The following CTIF variants were observed in gnomAD, a reference collection of about 807,000 sequenced individuals.
The protein encoded by CTIF is cap binding complex dependent translation initiation factor.
A neutral mutation model predicts 66.0 loss-of-function variants in CTIF; 21 were observed. That is an observed-to-expected ratio of 0.32 (90% CI 0.23 to 0.46). The LOEUF (loss-of-function observed/expected upper bound fraction) is 0.46, where lower values mean the gene tolerates loss of function less well. Among genes scored for constraint, CTIF ranks in the 20% least tolerant of loss-of-function variants. The pLI is 1.00. For missense variants in CTIF, 739 were observed against 812.7 expected (o/e 0.91, Z 1.10); for synonymous variants, 345 against 326.4 (o/e 1.06, Z -0.62).
In CTIF at chr18:48,599,578, C is replaced by T. The variant is rs545382725; in HGVS notation, c.-28-19960C>T. Among the ~76,000 whole-genome samples the T allele has an allele frequency of 6.9e-4, 105 of 152,278 alleles. 1 individual carries two copies. The highest frequency in any genetic ancestry group is 2.5e-3 in the African/African-American group (102 of 41,558). ...GCAATCCCGGGTTATTACAGCCCTT[C>T]GTAAACAATTCCTGAGGGCTGAATA... On this transcript the variant is annotated intron_variant, in intron 1 of 11. Coordinates refer to ENST00000256413, the MANE Select transcript of CTIF (RefSeq NM_014772.3).
chr18:48,851,090 G>T (rs370689257), intron 10 of CTIF, among the ~76,000 whole-genome samples: 5 of 152,346 alleles, frequency 3.3e-5, no homozygotes, highest in African/African-American at 1.2e-4. Context: ...GGTTGGAAGG[G>T]GGGGCTCTAG....
intron 9 of CTIF, among the ~76,000 whole-genome samples, chr18:48,806,953 C>T (rs912358718): frequency 2.4e-4 from 36 of 152,168 alleles, no homozygotes; most frequent in African/African-American, 8.2e-4. Context: ...GGGAGGTAGC[C>T]TGCCAATCAG....
intron 1 of CTIF, among the ~76,000 whole-genome samples, chr18:48,617,932 G>A (rs957062594): frequency 2.6e-5 from 4 of 152,232 alleles, no homozygotes; most frequent in African/African-American, 4.8e-5. Context: ...GGGTCCGAGG[G>A]AGGCTGGGCC....
chr18:48,713,801 A>G (rs1272406988), intron 7 of CTIF, among the ~76,000 whole-genome samples: 1 of 152,222 alleles, frequency 6.6e-6, no homozygotes, highest in African/African-American at 2.4e-5. Flanking sequence ...ATGGAAGAAC[A>G]GAGTTTTCAG....
chr18:48,575,306 T>A (rs979773616), intron 1 of CTIF, among the ~76,000 whole-genome samples: 1 of 152,222 alleles, frequency 6.6e-6, no homozygotes, highest in East Asian at 1.9e-4. Flanking sequence ...AGCTGTTCTA[T>A]GGCAACACGG....
intron 3 of CTIF, among the ~76,000 whole-genome samples, chr18:48,660,130 C>T (rs1038680688): frequency 7.1e-6 from 1 of 141,508 alleles, no homozygotes; most frequent in Non-Finnish European, 1.5e-5. Context: ...GCAGGGATAT[C>T]GCTAGGTTTC....
intron 10 of CTIF, among the ~76,000 whole-genome samples, chr18:48,830,373 AG>A (rs2068664705): frequency 6.6e-6 from 1 of 152,196 alleles, no homozygotes; most frequent in Admixed American, 6.5e-5. Context: ...TATGTTGGCC[AG>A]GCTGATCTCA....
chr18:48,820,926 G>A (rs958823398), intron 10 of CTIF, among the ~76,000 whole-genome samples: 2 of 152,134 alleles, frequency 1.3e-5, no homozygotes, highest in African/African-American at 4.8e-5. Context: ...AAGCTTACTC[G>A]GTCCCCACGC....
intron 9 of CTIF, among the ~76,000 whole-genome samples, chr18:48,808,596 A>G (rs2068199496): frequency 6.6e-6 from 1 of 151,364 alleles, no homozygotes; most frequent in Admixed American, 6.6e-5. Flanking sequence ...TAAGATTCTA[A>G]ATTATTTTCC....
chr18:48,692,851 G>A (rs1177081682), intron 6 of CTIF, among the ~76,000 whole-genome samples: 1 of 152,188 alleles, frequency 6.6e-6, no homozygotes, highest in Non-Finnish European at 1.5e-5. Flanking sequence ...CAGGCATTGG[G>A]ATTTTAAAAT....
rs148681063 is a variant in CTIF, at chr18:48,572,074, T to TTCCTCC, written c.-29+32779_-29+32784dup. ...TTCTCCTTCTCCTTCCCCCTCACCGTTCCTCCTCCTCCTCCTCCTCCTTCT... is the reference window on the plus strand; with the variant it reads ...TTCTCCTTCTCCTTCCCCCTCACCGTTCCTCCTCCTCCTCCTCCTCCTCCTCCTTCT... On this transcript the variant is annotated intron_variant, in intron 1 of 11. Coordinates refer to ENST00000256413, the MANE Select transcript of CTIF (RefSeq NM_014772.3). Among the ~76,000 whole-genome samples the TTCCTCC allele has an allele frequency of 9.9e-4, 150 of 151,374 alleles. 3 individuals are homozygous for TTCCTCC. In the South Asian group the frequency reaches 0.016, roughly 16 times the overall value.
At chr18:48,747,675 G>T (rs1907363628) in intron 7 of CTIF, among the ~76,000 whole-genome samples, 1 of 151,688 alleles carries the variant, frequency 6.6e-6, no homozygotes, top group Admixed American at 6.6e-5. Context: ...GAGAGGCCAA[G>T]GTAGAAGGAT....
rs571341266 is a variant in CTIF, at chr18:48,665,564, A to G, written c.431+1013A>G. 1.8e-4 allele frequency among the ~76,000 whole-genome samples: 27 copies of G among 152,344 alleles called. No homozygotes were observed. The East Asian group carries it at 5.0e-3, about 28-fold the overall frequency. Reference sequence around the variant, plus strand: ...ATGCTAGACCTGTTGTGCAACTACCATGTCTATCTAGTTCTGAAACATTCT... The same window carrying G: ...ATGCTAGACCTGTTGTGCAACTACCGTGTCTATCTAGTTCTGAAACATTCT... On this transcript the variant is annotated intron_variant, in intron 5 of 11. Transcript: ENST00000256413.
chr18:48,549,481 C>A (rs2088832890), intron 1 of CTIF, among the ~76,000 whole-genome samples: 1 of 152,170 alleles, frequency 6.6e-6, no homozygotes, highest in Non-Finnish European at 1.5e-5. Context: ...AGGGTTGGTT[C>A]ATTCAGGGAG....
At chr18:48,729,357 A>T (rs1330442926) in intron 7 of CTIF, among the ~76,000 whole-genome samples, 7 of 152,230 alleles carry the variant, frequency 4.6e-5, no homozygotes, top group Non-Finnish European at 8.8e-5. Flanking sequence ...GATTATAAAA[A>T]GTTTGGGCTT....
intron 1 of CTIF, among the ~76,000 whole-genome samples, chr18:48,587,137 C>T (rs1308233183): frequency 6.7e-6 from 1 of 150,194 alleles, no homozygotes; most frequent in Admixed American, 6.6e-5. Context: ...ACTGGAATGC[C>T]GTGGCATGAT....
rs117736720 is a variant in CTIF at position 48,761,118 on chromosome 18, A to G, written c.1072-272A>G. The G allele has an allele frequency of 0.016, 5,664 of 350,476 alleles. 56 individuals are homozygous for G. The highest frequency in any genetic ancestry group is 0.022 in the Non-Finnish European group (4,321 of 195,884). The allele number at this position is 350,476 out of a possible 1,614,324, so 21.7% of individuals were successfully genotyped here. On this transcript the variant is annotated intron_variant, in intron 8 of 11. Transcript: ENST00000256413. This position sits in a 1 kb window ranked among gnomAD's most constrained non-coding sequence, Gnocchi z 4.2. ...GATATTTGATGGACAAATAAACAAA[A>G]AAAGCCAATGTATATGAGAATCCTG... is the stretch of plus-strand genomic sequence containing the variant.
intron 1 of CTIF, among the ~76,000 whole-genome samples, chr18:48,588,926 A>C (rs11660049): frequency 0.16 from 24,561 of 151,898 alleles, 2,643 homozygotes; most frequent in African/African-American, 0.31. Context: ...AGGGCACCGG[A>C]CTTTTCCCTT....
chr18:48,660,535 T>C (rs2091324920), intron 3 of CTIF, among the ~76,000 whole-genome samples: 1 of 152,224 alleles, frequency 6.6e-6, no homozygotes, highest in African/African-American at 2.4e-5. Flanking sequence ...CCCAAGAATC[T>C]GGAAGTCCAG....
Sources: allele counts gnomAD v4.1 joint callset (sites outside exome capture counted in the v4.1 genomes callset), GRCh38; gene constraint gnomAD v4.1.1; non-coding constraint Gnocchi (gnomAD v3.1); transcripts MANE v1.5; gene names NCBI Gene and HGNC (gene_info 2026-07-23, HGNC 2026-07-21).